ADAP1: variants seen among roughly 807,000 people sequenced by gnomAD.
ADAP1 encodes arf-GAP with dual PH domain-containing protein 1.
ADAP1 carries 31 observed loss-of-function variants against 54.9 expected under a neutral mutation model. The ratio of observed to expected loss-of-function variants is 0.56; its 90% CI spans 0.42 to 0.76. ADAP1 has a LOEUF of 0.76. Ranked by LOEUF, ADAP1 falls within the 30% of genes least tolerant of loss-of-function variation. The pLI is 0.00. For missense variants in ADAP1, 535 were observed against 512.4 expected (o/e 1.04, Z -0.42); for synonymous variants, 313 against 202.6 (o/e 1.55, Z -4.63).
upstream of ADAP1, among the ~76,000 whole-genome samples, chr7:955,054 C>A (rs1049319308): frequency 2.7e-4 from 41 of 152,268 alleles, no homozygotes; most frequent in African/African-American, 7.7e-4. Context: ...CGGACCAGGA[C>A]CAGGGCGCTC....
Position 900,542 on chromosome 7 carries a change from G to C in ADAP1, c.723C>G (p.Gly241=). Residue 241 remains glycine (G), a synonymous_variant, in exon 7 of 11, where the codon GGC becomes GGG. Coordinates refer to ENST00000265846, the MANE Select transcript of ADAP1 (RefSeq NM_006869.4). ...CAGGGCCGCCACTCACATCTGCGTC[G>C]CCGGCCCCTGGGAATGCCACCTGCA... The part of the protein sequence containing the change: ...HYLQVAFPGA[G]DADLVPKLSR... The C allele has an allele frequency of 6.2e-7, 1 of 1,607,558 alleles. No homozygotes were observed. Among genetic ancestry groups the C allele is most frequent in the Non-Finnish European group, 8.5e-7 (1 of 1,177,986 alleles).
intron 6 of ADAP1, among the ~76,000 whole-genome samples, chr7:901,654 C>T (rs1483624695): frequency 6.6e-6 from 1 of 151,070 alleles, no homozygotes; most frequent in African/African-American, 2.4e-5. Context: ...CCCCGACTGC[C>T]CCTCATCGGC....
intron 4 of ADAP1, 75 bp from the exon 5 acceptor site, chr7:905,247 A>C (rs955800971): frequency 5.7e-6 from 6 of 1,050,618 alleles, no homozygotes; most frequent in Non-Finnish European, 8.3e-6. Flanking sequence ...GATGGACAGG[A>C]CAGAGGGGAC....
intron 4 of ADAP1, among the ~76,000 whole-genome samples, chr7:918,074 G>C (rs1846007794): frequency 6.6e-6 from 1 of 152,172 alleles, no homozygotes; most frequent in Non-Finnish European, 1.5e-5. Context: ...TTACAGGTGT[G>C]CGCCAACCGT....
At chr7:905,819 G>C (rs1845233303) in intron 4 of ADAP1, among the ~76,000 whole-genome samples, 1 of 36,950 alleles carries the variant, frequency 2.7e-5, no homozygotes, top group Non-Finnish European at 7.5e-5. Flanking sequence ...AAGGAGAAGG[G>C]AGAAGGGAGA....
intron 6 of ADAP1, chr7:901,127 A>C (rs1844789089): frequency 2.3e-6 from 1 of 437,874 alleles, no homozygotes; most frequent in Admixed American, 2.5e-5. Flanking sequence ...ACTGCTCTCC[A>C]GGGAGCCGCC....
intron 3 of ADAP1, among the ~76,000 whole-genome samples, chr7:921,733 C>T (rs1254596461): frequency 1.3e-5 from 2 of 152,202 alleles, no homozygotes; most frequent in African/African-American, 2.4e-5. Context: ...GAGGAGTTGC[C>T]CCCTAGCACC....
chr7:939,453 G>A (rs1413759663), intron 1 of ADAP1, among the ~76,000 whole-genome samples: 1 of 151,644 alleles, frequency 6.6e-6, no homozygotes, highest in African/African-American at 2.4e-5. Flanking sequence ...TCCCGACTTA[G>A]GTGATCCGCC....
chr7:927,040 C>G, intron 2 of ADAP1: 1 of 1,261,874 alleles, frequency 7.9e-7, no homozygotes, highest in South Asian at 1.4e-5. Context: ...CTCGTTCACC[C>G]AGCTCCCCAG....
chr7:952,137 G>A (rs1351571881), intron 1 of ADAP1, among the ~76,000 whole-genome samples: 2 of 152,166 alleles, frequency 1.3e-5, no homozygotes, highest in Admixed American at 6.5e-5. Context: ...GGCTCTCTGG[G>A]TGGCCGCCGG....
intron 4 of ADAP1, chr7:905,390 GGAGAAAGGAGAAA>G (rs1282636082): frequency 2.7e-5 from 7 of 264,148 alleles, no homozygotes; most frequent in South Asian, 1.0e-4. Flanking sequence ...AAAGGAGAAA[GGAGAAAGGAGAAA>G]GGAGAAAGGG....
At chr7:908,218 T>C (rs1169218948) in intron 4 of ADAP1, among the ~76,000 whole-genome samples, 5 of 152,060 alleles carry the variant, frequency 3.3e-5, no homozygotes, top group African/African-American at 1.2e-4. Flanking sequence ...GAGGCTCAGA[T>C]TGCAGACACC....
intron 1 of ADAP1, among the ~76,000 whole-genome samples, chr7:950,746 A>G (rs1446282300): frequency 1.3e-5 from 2 of 150,298 alleles, no homozygotes; most frequent in Non-Finnish European, 3.0e-5. Context: ...AATCCCAGCT[A>G]CTCAGGGGAC....
intron 1 of ADAP1, among the ~76,000 whole-genome samples, chr7:943,453 C>G (rs62651777): frequency 1.0e-3 from 1 of 978 alleles, no homozygotes; most frequent in Non-Finnish European, 1.8e-3. Context: ...AGGAAGGGAG[C>G]GAGGAGGAAG....
chr7:937,226 C>T lies in ADAP1; in HGVS notation c.83-1721G>A, dbSNP rs113993522. Reference sequence around the variant, plus strand: ...CCCGACCTCTGGGATTTGGGGGTCACGCCCGGCCTCTGGGATTTGGGGGTC... The same window carrying T: ...CCCGACCTCTGGGATTTGGGGGTCATGCCCGGCCTCTGGGATTTGGGGGTC... On this transcript the variant is annotated intron_variant, in intron 1 of 10. Transcript: ENST00000265846. 1.4e-3 allele frequency among the ~76,000 whole-genome samples: 65 copies of T among 46,690 alleles called. 4 individuals carry two copies. Among genetic ancestry groups the T allele is most frequent in the East Asian group, 1.9e-3 (3 of 1,558 alleles). 30.6% of individuals were successfully genotyped at this position (46,690 alleles called of 152,430 possible).
intron 4 of ADAP1, among the ~76,000 whole-genome samples, chr7:908,886 T>C (rs994459139): frequency 2.2e-4 from 33 of 152,132 alleles, no homozygotes; most frequent in Non-Finnish European, 7.4e-5. Context: ...TGGAGCTGGC[T>C]GGGTCCAGTG....
At chr7:916,811 G>C (rs1845952927) in intron 4 of ADAP1, among the ~76,000 whole-genome samples, 6 of 152,134 alleles carry the variant, frequency 3.9e-5, no homozygotes, top group Admixed American at 2.6e-4. Context: ...CGCTGCATGA[G>C]ACCCCAGCCT....
chr7:932,460 C>T lies in ADAP1; in HGVS notation c.213+2915G>A, dbSNP rs559576106. ...ACGTCTTCTCCCCGAGCCAAGGAGT[C>T]TGTGCCCCTGGAGGCCCTCCAGGGA... On this transcript the variant is annotated intron_variant, in intron 2 of 10. Transcript: ENST00000265846. 6.6e-5 allele frequency among the ~76,000 whole-genome samples: 10 copies of T among 152,332 alleles called. No homozygotes were observed. The South Asian group carries it at 2.1e-3, about 32-fold the overall frequency.
intron 1 of ADAP1, among the ~76,000 whole-genome samples, chr7:947,472 C>T (rs1399009620): frequency 1.3e-5 from 2 of 152,030 alleles, no homozygotes; most frequent in South Asian, 2.1e-4. Context: ...TGGCGGCCAC[C>T]GTGGCTTCTC....
Sources: allele counts gnomAD v4.1 joint callset (sites outside exome capture counted in the v4.1 genomes callset), GRCh38; gene constraint gnomAD v4.1.1; transcripts MANE v1.5; gene names NCBI Gene and HGNC (gene_info 2026-07-23, HGNC 2026-07-21).